PPP2R2D: variants seen among roughly 807,000 people sequenced by gnomAD.
PPP2R2D encodes serine/threonine-protein phosphatase 2A 55 kDa regulatory subunit B delta isoform.
Under a neutral mutation model 31.1 loss-of-function variants are expected in PPP2R2D, and 9 were observed. That is an observed-to-expected ratio of 0.29 (90% CI 0.17 to 0.51). The LOEUF (loss-of-function observed/expected upper bound fraction) is 0.51, where lower values mean the gene tolerates loss of function less well. Among genes scored for constraint, PPP2R2D ranks in the 20% least tolerant of loss-of-function variants. The probability of loss-of-function intolerance (pLI) is 0.98; values close to 1 mark genes in which losing one functional copy is unlikely to be tolerated. For missense variants in PPP2R2D, 391 were observed against 465.6 expected (o/e 0.84, Z 1.48); for synonymous variants, 179 against 172.6 (o/e 1.04, Z -0.29).
At chr10:131,960,117 T>C (rs1554901215), downstream of PPP2R2D, among the ~76,000 whole-genome samples, 1 of 152,192 alleles carries the variant, frequency 6.6e-6, no homozygotes, top group Non-Finnish European at 1.5e-5. Flanking sequence ...CCCAGTGCAG[T>C]CTTGATGTTC....
chr10:131,917,691 G>A (rs1420041698), intron 2 of PPP2R2D, among the ~76,000 whole-genome samples: 1 of 127,692 alleles, frequency 7.8e-6, no homozygotes, highest in South Asian at 3.2e-4. Flanking sequence ...ACAGTGTAGG[G>A]ACCTCAGGCG....
chr10:131,937,993 C>T (rs1298590588), intron 3 of PPP2R2D, among the ~76,000 whole-genome samples: 1 of 150,708 alleles, frequency 6.6e-6, no homozygotes, highest in Non-Finnish European at 1.5e-5. Context: ...CTGTCAGACT[C>T]AGTGCGGCGG....
At chr10:131,925,281 G>GT (rs1314615965) in intron 2 of PPP2R2D, among the ~76,000 whole-genome samples, 68 of 152,284 alleles carry the variant, frequency 4.5e-4, no homozygotes, top group Admixed American at 2.6e-4. Context: ...GTTAGCTGTG[G>GT]TTTTTTAGGT....
chr10:131,935,770 A>C (rs918555891), intron 3 of PPP2R2D, among the ~76,000 whole-genome samples: 1 of 152,236 alleles, frequency 6.6e-6, no homozygotes, highest in African/African-American at 2.4e-5. Flanking sequence ...CTACTTAAGA[A>C]CCATATACCT....
chr10:131,915,088 AT>A (rs550013773), intron 2 of PPP2R2D, among the ~76,000 whole-genome samples: 1,542 of 143,902 alleles, frequency 0.011, 24 homozygotes, highest in African/African-American at 0.036. Flanking sequence ...AATACCTTAA[AT>A]TTTTTTTTTT....
chr10:131,927,297 G>A (rs1178287404), intron 2 of PPP2R2D, among the ~76,000 whole-genome samples: 2 of 152,114 alleles, frequency 1.3e-5, no homozygotes, highest in African/African-American at 4.8e-5. Context: ...GGGGAGTGGG[G>A]TGTGAGACAA....
chr10:131,969,542 G>C, the PPP2R2D span: 1 of 152,256 alleles, frequency 6.6e-6, no homozygotes, highest in Non-Finnish European at 1.5e-5. Context: ...CCACGCACAC[G>C]GGAGGGCGAG....
At chr10:131,918,977 A>G (rs1463309900) in intron 2 of PPP2R2D, among the ~76,000 whole-genome samples, 4 of 139,650 alleles carry the variant, frequency 2.9e-5, no homozygotes, top group Admixed American at 7.1e-5. Context: ...GTGGAATGAC[A>G]CAGTGTTTGT....
chr10:131,950,261 T>G (rs1268114634), intron 8 of PPP2R2D, among the ~76,000 whole-genome samples: 2 of 150,816 alleles, frequency 1.3e-5, no homozygotes, highest in East Asian at 2.0e-4. Context: ...AGTTTGGGGG[T>G]GTGAGGCTTA....
intron 3 of PPP2R2D, among the ~76,000 whole-genome samples, chr10:131,938,646 T>A (rs34536919): frequency 0.2 from 30,714 of 152,216 alleles, 3,283 homozygotes; most frequent in South Asian, 0.26. Flanking sequence ...TGTAACAGAC[T>A]TGTTCTGTAC....
intron 2 of PPP2R2D, among the ~76,000 whole-genome samples, chr10:131,904,153 G>A (rs887227371): frequency 3.3e-5 from 5 of 149,660 alleles, no homozygotes; most frequent in South Asian, 2.1e-4. Flanking sequence ...GCAGTGAGGC[G>A]AGATGGTGCC....
chr10:131,908,673 A>G (rs1298886808), intron 2 of PPP2R2D, among the ~76,000 whole-genome samples: 1 of 152,204 alleles, frequency 6.6e-6, no homozygotes, highest in African/African-American at 2.4e-5. Context: ...TTAAACGGGT[A>G]CTATTACTTG....
At chr10:131,902,924 T>C (rs1488786984) in intron 2 of PPP2R2D, among the ~76,000 whole-genome samples, 1 of 152,116 alleles carries the variant, frequency 6.6e-6, no homozygotes, top group Non-Finnish European at 1.5e-5. Context: ...ACCAGGCTAA[T>C]TTTTGTATTG....
chr10:131,924,225 A>G (rs1032660589), intron 2 of PPP2R2D, among the ~76,000 whole-genome samples: 2 of 152,108 alleles, frequency 1.3e-5, no homozygotes, highest in South Asian at 4.1e-4. Context: ...ATTATATGTA[A>G]GAGACCACTG....
Position 131,959,166 on chromosome 10 carries a change from C to CCATCCCCCTGT in PPP2R2D, c.*3203_*3204insCATCCCCCTGT, listed in dbSNP as rs2036878749. On this transcript the variant is annotated 3_prime_UTR_variant, in exon 9 of 9. Transcript: ENST00000455566. ...GGAGATGAAGGTGTGTGCTGATCCCCGGTCCCCCTGTGGAGATGAAGGTGT... is the reference window on the plus strand; with the variant it reads ...GGAGATGAAGGTGTGTGCTGATCCCCCATCCCCCTGTGGTCCCCCTGTGGAGATGAAGGTGT... The CCATCCCCCTGT allele has an allele frequency of 2.3e-5, 3 of 131,312 alleles. No individual in the cohort carries two copies. The highest frequency in any genetic ancestry group is 4.4e-5 in the Non-Finnish European group (3 of 68,650). 8.1% of individuals were successfully genotyped at this position (131,312 alleles called of 1,614,324 possible).
At chr10:131,944,788 T>C (rs2036505203) in intron 6 of PPP2R2D, among the ~76,000 whole-genome samples, 1 of 152,206 alleles carries the variant, frequency 6.6e-6, no homozygotes, top group Non-Finnish European at 1.5e-5. Context: ...CACAGCTGAA[T>C]TCTGCCCTTT....
chr10:131,932,667 A>AAAAAAAAAC (rs1564817986), intron 2 of PPP2R2D, among the ~76,000 whole-genome samples: 5 of 133,174 alleles, frequency 3.8e-5, no homozygotes, highest in African/African-American at 1.7e-4. Flanking sequence ...AAAAAAAAAA[A>AAAAAAAAAC]ACACACAAAA....
chr10:131,906,897 C>T (rs1376162459), intron 2 of PPP2R2D, among the ~76,000 whole-genome samples: 2 of 151,636 alleles, frequency 1.3e-5, no homozygotes, highest in Middle Eastern at 3.4e-3. Flanking sequence ...GCTATGATTG[C>T]ACCACTGCAC....
At chr10:131,939,679 C>T (rs1185808208) in intron 3 of PPP2R2D, 4 of 162,162 alleles carry the variant, frequency 2.5e-5, no homozygotes, top group Non-Finnish European at 5.3e-5. Flanking sequence ...AGGCTACATT[C>T]GACAGGCTGA....
Sources: allele counts gnomAD v4.1 joint callset (sites outside exome capture counted in the v4.1 genomes callset), GRCh38; gene constraint gnomAD v4.1.1; transcripts MANE v1.5; gene names NCBI Gene and HGNC (gene_info 2026-07-23, HGNC 2026-07-21).